PKD1L3: variants seen among roughly 807,000 people sequenced by gnomAD.
PKD1L3 encodes polycystin 1 like 3, transient receptor potential channel interacting.
Under a neutral mutation model 184.1 loss-of-function variants are expected in PKD1L3, and 239 were observed. The observed-to-expected ratio is 1.30, with a 90% CI of 1.17 to 1.45. The LOEUF (loss-of-function observed/expected upper bound fraction) is 1.45. Among genes scored for constraint, PKD1L3 ranks in the 40% most tolerant of loss-of-function variants. PKD1L3 has a pLI of 0.00. For synonymous variants in PKD1L3, 996 were observed against 778.8 expected (o/e 1.28, Z -4.64); for missense variants, 2,660 against 2,067.2 (o/e 1.29, Z -5.56).
rs552009371 is a variant in PKD1L3 at position 71,969,305 on chromosome 16, G to A, written c.2184+570C>T. ...ATTTAACTTTAGTTAAGCTCTCTAG[G>A]TCTTTTCTTTTCTTTTTCTTTTTGG... On this transcript the variant is annotated intron_variant, in intron 13 of 29. Coordinates refer to ENST00000620267, the MANE Select transcript of PKD1L3 (RefSeq NM_181536.2). Among the ~76,000 whole-genome samples, 257 of 151,926 alleles carry A rather than the reference G, an allele frequency of 1.7e-3. 8 individuals carry two copies. Among genetic ancestry groups the A allele is most frequent in the Admixed American group, 0.015 (236 of 15,250 alleles).
chr16:71,955,257 A>G (rs1489909425), intron 16 of PKD1L3, among the ~76,000 whole-genome samples: 2 of 151,958 alleles, frequency 1.3e-5, no homozygotes, highest in Non-Finnish European at 2.9e-5. Context: ...AAGGGGTGGA[A>G]GGGATGGTAT....
rs2039964747 is a variant in PKD1L3, at chr16:71,977,286, G to C, written c.1709C>G (p.Thr570Ser). The C allele has an allele frequency of 2.6e-6, 4 of 1,540,166 alleles. No homozygotes were observed. Among genetic ancestry groups the C allele is most frequent in the African/African-American group, 1.4e-5 (1 of 72,736 alleles). ...AAGGGTGATGTTCAGGTGGAAGTGAGTGCAGTTAGGCTGATACTGGAACCC... is the reference window on the plus strand; with the variant it reads ...AAGGGTGATGTTCAGGTGGAAGTGACTGCAGTTAGGCTGATACTGGAACCC... ...YLGFQYQPNC[T>S]HFHLNITLPK... Residue 570 changes from threonine (T) to serine (S), a missense_variant, in exon 11 of 30, where the codon ACT becomes AGT. Transcript: ENST00000620267.
At chr16:71,986,780 G>A (rs1287927535) in intron 4 of PKD1L3, among the ~76,000 whole-genome samples, 2 of 152,164 alleles carry the variant, frequency 1.3e-5, no homozygotes, top group African/African-American at 4.8e-5. Context: ...TCCTGCGCTT[G>A]TCGAGCCCCT....
intron 29 of PKD1L3, 160 bp downstream of exon 29, chr16:71,929,892 T>C: frequency 1.9e-6 from 2 of 1,048,684 alleles, no homozygotes; most frequent in Admixed American, 3.0e-5. Context: ...GTCTTATAAA[T>C]TGGGTTTCCT....
chr16:71,950,832 A>C (rs1296377018), intron 19 of PKD1L3, among the ~76,000 whole-genome samples: 1 of 150,240 alleles, frequency 6.7e-6, no homozygotes, highest in African/African-American at 2.5e-5. Flanking sequence ...TCCCGGGTTC[A>C]AGTGATCCTC....
chr16:71,996,217 C>G (rs1412444619), intron 2 of PKD1L3, among the ~76,000 whole-genome samples: 2 of 143,498 alleles, frequency 1.4e-5, no homozygotes, highest in African/African-American at 5.2e-5. Flanking sequence ...TTTTCAATTG[C>G]TATAAGAATC....
At chr16:71,952,244 G>C (rs2038865326) in intron 18 of PKD1L3, among the ~76,000 whole-genome samples, 1 of 107,718 alleles carries the variant, frequency 9.3e-6, no homozygotes, top group Non-Finnish European at 1.7e-5. Flanking sequence ...GTCTTGCTCT[G>C]TCTCTGTTGC....
intron 2 of PKD1L3, among the ~76,000 whole-genome samples, chr16:71,996,348 G>A (rs2040783638): frequency 7.6e-6 from 1 of 131,666 alleles, no homozygotes. Context: ...TGCAACCTCC[G>A]CCTCCCGGTT....
At chr16:71,936,521 T>TTC (rs1555513151) in intron 25 of PKD1L3, among the ~76,000 whole-genome samples, 14 of 142,324 alleles carry the variant, frequency 9.8e-5, no homozygotes, top group Non-Finnish European at 1.5e-4. Flanking sequence ...TTTTTTTTCT[T>TTC]TTTTTTTTTT....
intron 27 of PKD1L3, 117 bp from the exon 28 acceptor site, chr16:71,933,638 T>C: frequency 1.2e-6 from 1 of 809,706 alleles, no homozygotes; most frequent in Non-Finnish European, 2.1e-6. Context: ...TGTGGCCAAA[T>C]TATGCCCAAA....
intron 26 of PKD1L3, 64 bp downstream of exon 26, chr16:71,935,294 T>C (rs1207869553): frequency 1.5e-5 from 22 of 1,460,730 alleles, no homozygotes; most frequent in Admixed American, 9.0e-5. Context: ...AGAATACTTG[T>C]GTATAAACAG....
intron 2 of PKD1L3, among the ~76,000 whole-genome samples, chr16:71,995,162 G>T (rs942620276): frequency 3.9e-5 from 6 of 152,226 alleles, no homozygotes; most frequent in Admixed American, 1.3e-4. Context: ...TTGGGGGAAG[G>T]CTGCAACCTC....
intron 21 of PKD1L3, among the ~76,000 whole-genome samples, chr16:71,949,551 T>C (rs1383165567): frequency 6.6e-6 from 1 of 151,958 alleles, no homozygotes; most frequent in Non-Finnish European, 1.5e-5. Context: ...TGGAGTTTCA[T>C]CATGTTGCCC....
intron 22 of PKD1L3, among the ~76,000 whole-genome samples, chr16:71,946,551 G>C (rs764777728): frequency 6.6e-6 from 1 of 151,858 alleles, no homozygotes; most frequent in Non-Finnish European, 1.5e-5. Flanking sequence ...TAGTCAGTTA[G>C]AGGGTAGGCC....
chr16:71,945,398 ATTTATT>A (rs1352457817), intron 22 of PKD1L3, among the ~76,000 whole-genome samples: 6 of 83,604 alleles, frequency 7.2e-5, no homozygotes, highest in East Asian at 3.0e-4. Flanking sequence ...ATATATATAT[ATTTATT>A]TATTTATTTA....
At chr16:71,950,042 A>C (rs751790537) in intron 20 of PKD1L3, 25 bp from the exon 21 acceptor site, 26 of 1,550,594 alleles carry the variant, frequency 1.7e-5, no homozygotes, top group African/African-American at 5.5e-5. Context: ...TTGAGGGAAT[A>C]ATCTTGTATG....
At chr16:71,989,004 G>A (rs1359329783) in intron 4 of PKD1L3, among the ~76,000 whole-genome samples, 1 of 152,146 alleles carries the variant, frequency 6.6e-6, no homozygotes. Context: ...CGGTACCAAG[G>A]TCAGAGTGCT....
At chr16:71,931,760 C>T (rs893451850) in intron 28 of PKD1L3, among the ~76,000 whole-genome samples, 2 of 152,022 alleles carry the variant, frequency 1.3e-5, no homozygotes, top group Non-Finnish European at 2.9e-5. Context: ...CTACTGTGCC[C>T]GGCTCAAAGT....
chr16:71,934,359 G>A (rs922452768), intron 26 of PKD1L3, among the ~76,000 whole-genome samples: 4 of 152,240 alleles, frequency 2.6e-5, no homozygotes, highest in African/African-American at 7.2e-5. Context: ...GAGCTGTGCC[G>A]AAGAAGCCTT....
Sources: allele counts gnomAD v4.1 joint callset (sites outside exome capture counted in the v4.1 genomes callset), GRCh38; gene constraint gnomAD v4.1.1; transcripts MANE v1.5; gene names NCBI Gene and HGNC (gene_info 2026-07-23, HGNC 2026-07-21).